The following NAV2 variants were observed in gnomAD, a reference collection of about 807,000 sequenced individuals.
NAV2 encodes helicase, APC down-regulated 1.
In NAV2, 54 loss-of-function variants were observed where a neutral mutation model predicts 223.2. The observed-to-expected ratio is 0.24, with a 90% CI of 0.19 to 0.30. The LOEUF (loss-of-function observed/expected upper bound fraction) is 0.30, where lower values mean the gene tolerates loss of function less well. NAV2 is among the 10% of genes least tolerant of loss of function. The probability of loss-of-function intolerance (pLI) is 1.00; values close to 1 mark genes in which losing one functional copy is unlikely to be tolerated. For missense variants in NAV2, 2,806 were observed against 3,147.5 expected (o/e 0.89, Z 2.60); for synonymous variants, 1,279 against 1,239.3 (o/e 1.03, Z -0.67).
chr11:19,860,059 C>T (rs1590927675), intron 3 of NAV2, among the ~76,000 whole-genome samples: 1 of 124,560 alleles, frequency 8.0e-6, no homozygotes, highest in South Asian at 2.8e-4. Context: ...CCCCCAACTC[C>T]CTCCTGGACG....
chr11:19,569,567 T>C (rs921860544), intron 1 of NAV2, among the ~76,000 whole-genome samples: 4 of 151,664 alleles, frequency 2.6e-5, no homozygotes, highest in Non-Finnish European at 5.9e-5. Flanking sequence ...TGGCAGCTGT[T>C]TCTCTCTCTC....
rs1221882732 is a variant in NAV2 at position 19,984,207 on chromosome 11, C to A, written c.2728C>A (p.Leu910Met). 4.3e-6 allele frequency: 7 copies of A among 1,614,176 alleles called. 1 individual carries two copies. Among genetic ancestry groups the A allele is most frequent in the African/African-American group, 2.7e-5 (2 of 75,054 alleles). ...PDGMAVVRET[L>M]QRNTSLGLGD... ...TGGGATGGCTGTGGTACGGGAGACC[C>A]TGCAACGAAATACCTCCCTGGGCCT... The change falls in exon 11 of 38, where the codon CTG becomes ATG. Residue 910 changes from leucine (L) to methionine (M), a missense_variant. Leu to Met is a conservative substitution (Grantham distance 15, BLOSUM62 2). Transcript: ENST00000349880.
At chr11:19,806,617 A>G (rs1407252126) in intron 1 of NAV2, among the ~76,000 whole-genome samples, 2 of 152,136 alleles carry the variant, frequency 1.3e-5, no homozygotes, top group Non-Finnish European at 2.9e-5. Flanking sequence ...CGTGTCTCTG[A>G]ATTTCAGTTG....
chr11:19,843,558 T>C (rs1243902483), intron 3 of NAV2, among the ~76,000 whole-genome samples: 1 of 152,222 alleles, frequency 6.6e-6, no homozygotes, highest in Non-Finnish European at 1.5e-5. Context: ...AATCTTTGAA[T>C]TAAAATTTAT....
chr11:19,865,078 G>A (rs935810872), intron 3 of NAV2, among the ~76,000 whole-genome samples: 2 of 152,150 alleles, frequency 1.3e-5, no homozygotes, highest in African/African-American at 2.4e-5. Flanking sequence ...GCTAATTTTG[G>A]AAAGTAGTTT....
intron 5 of NAV2, among the ~76,000 whole-genome samples, chr11:19,881,679 A>G (rs2063214737): frequency 1.3e-5 from 2 of 152,168 alleles, no homozygotes; most frequent in Admixed American, 1.3e-4. Flanking sequence ...AATGAATGAG[A>G]TTGCCGAGGT....
At position 20,107,380 on chromosome 11, in the gene NAV2, A is replaced by G. The variant is rs374570531; in HGVS notation, c.6842-284A>G. ...GGATTATAGGCGTGAGCCACTGCGC[A>G]TGGGCTTCCATTTTTAAAAATCAAG... On this transcript the variant is annotated intron_variant, in intron 35 of 37. Coordinates refer to ENST00000349880, the MANE Select transcript of NAV2 (RefSeq NM_145117.5). The G allele has an allele frequency of 4.5e-5, 16 of 357,198 alleles. No individual in the cohort carries two copies. In the East Asian group the frequency reaches 8.2e-4, roughly 18 times the overall value. The allele number at this position is 357,198 out of a possible 1,614,324, so 22.1% of individuals were successfully genotyped here.
chr11:19,723,723 TC>T (rs1213294671), intron 1 of NAV2, among the ~76,000 whole-genome samples: 14 of 152,176 alleles, frequency 9.2e-5, no homozygotes, highest in Admixed American at 5.9e-4. Flanking sequence ...GTGGCTGCTG[TC>T]CCCCAGGTGA....
intron 6 of NAV2, among the ~76,000 whole-genome samples, chr11:19,906,618 T>C (rs758467692): frequency 1.3e-5 from 2 of 152,174 alleles, no homozygotes; most frequent in Non-Finnish European, 2.9e-5. Context: ...CTATAAGTTA[T>C]AGGGGCATGT....
chr11:19,599,691 C>A (rs1302937438), intron 1 of NAV2, among the ~76,000 whole-genome samples: 1 of 152,190 alleles, frequency 6.6e-6, no homozygotes, highest in Non-Finnish European at 1.5e-5. Flanking sequence ...TAATCTACTC[C>A]AGAGGCATCA....
At chr11:19,981,219 A>G (rs1376138161) in intron 10 of NAV2, 1 of 152,138 alleles carries the variant, frequency 6.6e-6, no homozygotes, top group African/African-American at 2.4e-5. Context: ...AGAATTCCCA[A>G]CAGCAAGCCC....
Position 19,914,029 on chromosome 11 carries a change from G to A in NAV2, c.932-19147G>A, listed in dbSNP as rs139781629. Among the ~76,000 whole-genome samples, 451 of 152,288 alleles carry A rather than the reference G, an allele frequency of 3.0e-3. 2 individuals are homozygous for A. The highest frequency in any genetic ancestry group is 4.6e-3 in the Non-Finnish European group (314 of 68,030). On this transcript the variant is annotated intron_variant, in intron 6 of 37. Coordinates refer to ENST00000349880, the MANE Select transcript of NAV2 (RefSeq NM_145117.5). The stretch of plus-strand genomic sequence containing the variant: ...TCAGCTCCTACTAGCACATCAGAGC[G>A]AATTTTTTAATTTTCAGGAGTTTTG...
intron 1 of NAV2, among the ~76,000 whole-genome samples, chr11:19,582,432 T>C (rs2045749103): frequency 6.6e-6 from 1 of 152,224 alleles, no homozygotes; most frequent in Admixed American, 6.5e-5. Context: ...AGACATGAAG[T>C]CCTTGCCCAT....
chr11:20,083,301 A>AGG (rs10657903), intron 26 of NAV2, 122 bp downstream of exon 26: 191,273 of 738,814 alleles, frequency 0.26, 28,692 homozygotes, highest in East Asian at 0.6. Flanking sequence ...TTGCTTTAAT[A>AGG]GGACTGTGCA....
chr11:19,541,410 A>G (rs1025397090), intron 1 of NAV2, among the ~76,000 whole-genome samples: 1 of 152,220 alleles, frequency 6.6e-6, no homozygotes, highest in African/African-American at 2.4e-5. Flanking sequence ...ATGGAGCGAA[A>G]TTTAGGAAGT....
chr11:19,604,787 T>C (rs1437215119), intron 1 of NAV2, among the ~76,000 whole-genome samples: 1 of 152,158 alleles, frequency 6.6e-6, no homozygotes, highest in Non-Finnish European at 1.5e-5. Context: ...AGGAACCTGG[T>C]CTGGGATTGA....
intron 5 of NAV2, among the ~76,000 whole-genome samples, chr11:19,882,522 A>G (rs529431679): frequency 1.3e-5 from 2 of 152,300 alleles, no homozygotes; most frequent in South Asian, 2.1e-4. Context: ...TTTATAGAGC[A>G]TCTCACTGCA....
intron 1 of NAV2, among the ~76,000 whole-genome samples, chr11:19,763,959 G>C (rs904177162): frequency 6.6e-6 from 1 of 152,112 alleles, no homozygotes; most frequent in African/African-American, 2.4e-5. Context: ...CCCAGTTAGT[G>C]GGTCTGACTG....
At position 19,987,625 on chromosome 11, in the gene NAV2, G is replaced by C. The variant is rs557153078; in HGVS notation, c.2768+3378G>C. ...TGGGGTATCTTCAGGGTTATTAAAA[G>C]TAACTGATAAGAATGGATGCCTTCA... On this transcript the variant is annotated intron_variant, in intron 11 of 37. Transcript: ENST00000349880. Among the ~76,000 whole-genome samples the C allele has an allele frequency of 2.6e-5, 4 of 152,354 alleles. No homozygotes were observed. The South Asian group carries it at 8.3e-4, about 32-fold the overall frequency.
Sources: allele counts gnomAD v4.1 joint callset (sites outside exome capture counted in the v4.1 genomes callset), GRCh38; gene constraint gnomAD v4.1.1; transcripts MANE v1.5; gene names NCBI Gene and HGNC (gene_info 2026-07-23, HGNC 2026-07-21).